The following POC1A variants were observed in gnomAD, a reference collection of about 807,000 sequenced individuals.
POC1A encodes the protein POC1 centriolar protein homolog A.
In POC1A, 34 loss-of-function variants were observed where a neutral mutation model predicts 47.8. The ratio of observed to expected loss-of-function variants is 0.71; its 90% CI spans 0.54 to 0.95. POC1A has a LOEUF of 0.95. Ranked by LOEUF, POC1A falls within the 40% of genes least tolerant of loss-of-function variation. The pLI, the probability that POC1A is intolerant of heterozygous loss-of-function variation, is 0.00. For synonymous variants in POC1A, 177 were observed against 207.6 expected (o/e 0.85, Z 1.27); for missense variants, 466 against 528.3 (o/e 0.88, Z 1.16).
At chr3:52,126,816 C>T (rs1409437580) in intron 7 of POC1A, among the ~76,000 whole-genome samples, 2 of 152,204 alleles carry the variant, frequency 1.3e-5, no homozygotes, top group South Asian at 2.1e-4. Context: ...GTAACAAACC[C>T]ACTCCTGCAA....
intron 10 of POC1A, among the ~76,000 whole-genome samples, chr3:52,085,336 C>T (rs1032535289): frequency 1.3e-5 from 2 of 152,246 alleles, no homozygotes; most frequent in African/African-American, 2.4e-5. Context: ...CCCATCCTCA[C>T]ACCTAGGCTT....
chr3:52,096,332 C>T (rs928657180), intron 10 of POC1A, among the ~76,000 whole-genome samples: 4 of 152,246 alleles, frequency 2.6e-5, no homozygotes, highest in Admixed American at 1.3e-4. Context: ...GGTGAGCACA[C>T]TCCAGTAGTA....
Position 52,154,292 on chromosome 3 carries a change from T to C in POC1A, c.18+63A>G, listed in dbSNP as rs6777340. On this transcript the variant is annotated intron_variant, in intron 1 of 10. Coordinates refer to ENST00000296484, the MANE Select transcript of POC1A (RefSeq NM_015426.5). The stretch of plus-strand genomic sequence containing the variant: ...CCCCTCGCAGCCATCGCTCTGGCCA[T>C]TAGGCGCCCAGTGTCCCAGCGGGGA... 0.19 allele frequency: 284,919 copies of C among 1,503,504 alleles called. 33,292 individuals carry two copies. The highest frequency in any genetic ancestry group is 0.44 in the East Asian group (16,796 of 38,220). 93.1% of individuals were successfully genotyped at this position (1,503,504 alleles called of 1,614,324 possible). A position where few individuals can be genotyped will look rare whatever the true frequency, so the allele number is the denominator to read the frequency against.
At chr3:52,153,894 G>C (rs1559858258) in intron 1 of POC1A, among the ~76,000 whole-genome samples, 1 of 152,256 alleles carries the variant, frequency 6.6e-6, no homozygotes, top group South Asian at 2.1e-4. Context: ...ACTTCTGGAG[G>C]AATGTGAACT....
intron 9 of POC1A, among the ~76,000 whole-genome samples, chr3:52,107,506 G>A (rs140929045): frequency 2.0e-5 from 3 of 152,300 alleles, no homozygotes; most frequent in African/African-American, 7.2e-5. Context: ...ACACACACCC[G>A]CTTCCTTGAG....
chr3:52,110,846 G>A (rs1312864094), intron 9 of POC1A, among the ~76,000 whole-genome samples: 6 of 152,366 alleles, frequency 3.9e-5, no homozygotes, highest in Non-Finnish European at 8.8e-5. Flanking sequence ...ACATGCACAT[G>A]TGGAAGCTCC....
chr3:52,094,758 T>C (rs1046914636), intron 10 of POC1A, among the ~76,000 whole-genome samples: 2 of 152,178 alleles, frequency 1.3e-5, no homozygotes, highest in Non-Finnish European at 2.9e-5. Flanking sequence ...CTGATATTGT[T>C]GGCATCTGGT....
intron 9 of POC1A, 40 bp downstream of exon 9, chr3:52,122,339 A>G (rs763585847): frequency 1.7e-6 from 2 of 1,168,430 alleles, no homozygotes; most frequent in East Asian, 2.3e-5. Flanking sequence ...CTAGCCCACC[A>G]GAGTCACAGA....
At chr3:52,094,555 G>A (rs1033487810) in intron 10 of POC1A, among the ~76,000 whole-genome samples, 1 of 151,836 alleles carries the variant, frequency 6.6e-6, no homozygotes, top group African/African-American at 2.4e-5. Flanking sequence ...CAAGCCCAAG[G>A]AGAACTTGCC....
chr3:52,090,763 A>G lies in POC1A; in HGVS notation c.1125+5806T>C, dbSNP rs1702617788. 6.6e-6 allele frequency among the ~76,000 whole-genome samples: 1 copy of G among 152,098 alleles called. No homozygotes were observed. The highest frequency in any genetic ancestry group is 2.1e-4 in the South Asian group (1 of 4,822). On this transcript the variant is annotated intron_variant, in intron 10 of 10. Coordinates refer to ENST00000296484, the MANE Select transcript of POC1A (RefSeq NM_015426.5). This position sits in a 1 kb window ranked among gnomAD's most constrained non-coding sequence, Gnocchi z 4.2. ...GGTCAGGCCCAGGGCCTCTGCTTGC[A>G]CACCTACTGAGCGCCCATCCCTGGG...
At chr3:52,095,300 C>T (rs2106968573) in intron 10 of POC1A, among the ~76,000 whole-genome samples, 1 of 152,316 alleles carries the variant, frequency 6.6e-6, no homozygotes, top group African/African-American at 2.4e-5. Context: ...CCAGTCATGA[C>T]ACCTGGCCTT....
intron 10 of POC1A, among the ~76,000 whole-genome samples, chr3:52,095,463 A>G (rs541073114): frequency 5.3e-5 from 8 of 152,338 alleles, no homozygotes; most frequent in African/African-American, 1.4e-4. Flanking sequence ...CGTTAGTGAC[A>G]TCAAGGGTCC....
At chr3:52,121,903 G>C (rs1012426416) in intron 9 of POC1A, among the ~76,000 whole-genome samples, 5 of 152,154 alleles carry the variant, frequency 3.3e-5, no homozygotes, top group Non-Finnish European at 5.9e-5. Flanking sequence ...ACTAAAAATG[G>C]TTTGTGGCTG....
chr3:52,110,063 C>A (rs1159043790), intron 9 of POC1A, among the ~76,000 whole-genome samples: 1 of 152,156 alleles, frequency 6.6e-6, no homozygotes, highest in Non-Finnish European at 1.5e-5. Flanking sequence ...CTGAGACCAT[C>A]AAAAATGCCA....
At chr3:52,115,765 T>C (rs1703541757) in intron 9 of POC1A, among the ~76,000 whole-genome samples, 1 of 152,130 alleles carries the variant, frequency 6.6e-6, no homozygotes, top group Admixed American at 6.5e-5. Flanking sequence ...ACTAAACCCG[T>C]TGGTGCTTTG....
intron 9 of POC1A, among the ~76,000 whole-genome samples, chr3:52,116,366 G>T (rs1455409351): frequency 6.6e-6 from 1 of 152,184 alleles, no homozygotes; most frequent in Non-Finnish European, 1.5e-5. Context: ...CCTTCGGCAC[G>T]GATGAGGCTC....
intron 6 of POC1A, among the ~76,000 whole-genome samples, chr3:52,143,623 A>C (rs889641764): frequency 6.6e-6 from 1 of 151,648 alleles, no homozygotes; most frequent in Non-Finnish European, 1.5e-5. Flanking sequence ...TGGCCCCTCC[A>C]CCCCAACAGG....
intron 6 of POC1A, among the ~76,000 whole-genome samples, chr3:52,144,411 C>G (rs1377325457): frequency 6.6e-6 from 1 of 152,198 alleles, no homozygotes; most frequent in East Asian, 1.9e-4. Flanking sequence ...CTCAGGGCTT[C>G]CTATGGAGGG....
chr3:52,148,741 TTC>T (rs1698453538), intron 4 of POC1A, among the ~76,000 whole-genome samples: 1 of 152,096 alleles, frequency 6.6e-6, no homozygotes, highest in African/African-American at 2.4e-5. Context: ...GAGAGTTGGG[TTC>T]AAACTCCAGC....
Sources: allele counts gnomAD v4.1 joint callset (sites outside exome capture counted in the v4.1 genomes callset), GRCh38; gene constraint gnomAD v4.1.1; non-coding constraint Gnocchi (gnomAD v3.1); transcripts MANE v1.5; gene names NCBI Gene and HGNC (gene_info 2026-07-23, HGNC 2026-07-21).